The following LRRC7 variants were observed in gnomAD, a reference collection of about 807,000 sequenced individuals.
LRRC7 encodes the protein leucine-rich repeat-containing protein 7.
In LRRC7, 23 loss-of-function variants were observed where a neutral mutation model predicts 175.7. That is an observed-to-expected ratio of 0.13 (90% confidence interval 0.09 to 0.19). LRRC7 has a LOEUF of 0.19. Among genes scored for constraint, LRRC7 ranks in the 10% least tolerant of loss-of-function variants. The pLI is 1.00. For synonymous variants in LRRC7, 685 were observed against 680.9 expected, an observed-to-expected ratio of 1.01 and a Z score of -0.09; for missense variants, 1,354 against 1,904.7, an observed-to-expected ratio of 0.71 and a Z score of 5.38.
At chr1:69,793,428 G>T (rs1182490678) in intron 4 of LRRC7, among the ~76,000 whole-genome samples, 1 of 151,930 alleles carries the variant, frequency 6.6e-6, no homozygotes, top group African/African-American at 2.4e-5. Flanking sequence ...TAAGAAATTT[G>T]GTGCCTTTAG....
intron 7 of LRRC7, among the ~76,000 whole-genome samples, chr1:69,907,246 C>A (rs900374299): frequency 2.0e-4 from 30 of 152,150 alleles, no homozygotes; most frequent in South Asian, 2.1e-4. Context: ...ATCGAATACC[C>A]TTTATTTCCT....
At chr1:70,049,190 GC>G (rs1052498106) in intron 22 of LRRC7, among the ~76,000 whole-genome samples, 13 of 152,108 alleles carry the variant, frequency 8.5e-5, no homozygotes, top group Non-Finnish European at 1.6e-4. Flanking sequence ...GAAGAAATTG[GC>G]CTCACTATCT....
In LRRC7 at chr1:70,131,367, C is replaced by T. The variant is rs1666656010; in HGVS notation, c.*9480C>T. Among the ~76,000 whole-genome samples, 1 of 152,162 alleles carries T rather than the reference C, an allele frequency of 6.6e-6. No individual in the cohort carries two copies. The highest frequency in any genetic ancestry group is 1.5e-5 in the Non-Finnish European group (1 of 68,032). ...GGTTGGTAAGCTCCTAACCACAATC[C>T]CTTTATTACCTCATGGGACCTTAAT... On this transcript the variant is annotated 3_prime_UTR_variant, in exon 27 of 27. Coordinates refer to ENST00000651989, the MANE Select transcript of LRRC7 (RefSeq NM_001370785.2).
intron 1 of LRRC7, among the ~76,000 whole-genome samples, chr1:69,595,051 C>A (rs899350661): frequency 1.3e-5 from 2 of 151,168 alleles, no homozygotes; most frequent in East Asian, 3.9e-4. Context: ...CAGGCAACTT[C>A]TTTAAACATT....
At chr1:69,610,633 T>A (rs1648572483) in intron 1 of LRRC7, among the ~76,000 whole-genome samples, 1 of 152,044 alleles carries the variant, frequency 6.6e-6, no homozygotes, top group Non-Finnish European at 1.5e-5. Context: ...TTTTGTTGTA[T>A]TTTAATGTAA....
Position 70,140,212 on chromosome 1 carries a change from A to T in LRRC7, c.*18325A>T, listed in dbSNP as rs1031389727. On this transcript the variant is annotated 3_prime_UTR_variant, in exon 27 of 27. Coordinates refer to ENST00000651989, the MANE Select transcript of LRRC7 (RefSeq NM_001370785.2). ...GCATGGGCATGCCTTTCCAAAGGGT[A>T]TATTTGATCCTACAGTTAATTTTAA... 6.6e-6 allele frequency: 1 copy of T among 152,148 alleles called. No individual in the cohort carries two copies. Among genetic ancestry groups the T allele is most frequent in the African/African-American group, 2.4e-5 (1 of 41,450 alleles). The allele number at this position is 152,148 out of a possible 1,614,324, so 9.4% of individuals were successfully genotyped here. A position where few individuals can be genotyped will look rare whatever the true frequency, so the allele number is the denominator to read the frequency against.
At chr1:69,797,748 A>G (rs963681856) in intron 4 of LRRC7, among the ~76,000 whole-genome samples, 1 of 152,154 alleles carries the variant, frequency 6.6e-6, no homozygotes, top group African/African-American at 2.4e-5. Context: ...GCACTCTTTC[A>G]TAATTGCTAA....
intron 1 of LRRC7, among the ~76,000 whole-genome samples, chr1:69,592,059 TAAAGGC>T (rs1646657757): frequency 6.6e-6 from 1 of 152,078 alleles, no homozygotes; most frequent in African/African-American, 2.4e-5. Context: ...TACAGGAGAA[TAAAGGC>T]AATTACATTA....
intron 4 of LRRC7, among the ~76,000 whole-genome samples, chr1:69,814,293 T>G (rs1678322115): frequency 6.6e-6 from 1 of 152,160 alleles, no homozygotes; most frequent in African/African-American, 2.4e-5. Flanking sequence ...TGTGTGGTTC[T>G]TCATTTGAAA....
chr1:69,995,095 G>C (rs918149301), intron 11 of LRRC7, among the ~76,000 whole-genome samples: 2 of 152,116 alleles, frequency 1.3e-5, no homozygotes, highest in Non-Finnish European at 2.9e-5. Flanking sequence ...AGAAGCTAAG[G>C]AGAAAAGCAT....
chr1:69,939,106 C>A lies in LRRC7; in HGVS notation c.711+7536C>A, dbSNP rs570767789. 3.0e-3 allele frequency among the ~76,000 whole-genome samples: 440 copies of A among 146,170 alleles called. 1 individual carries two copies. The highest frequency in any genetic ancestry group is 0.011 in the African/African-American group (423 of 39,544). On this transcript the variant is annotated intron_variant, in intron 8 of 26. Coordinates refer to ENST00000651989, the MANE Select transcript of LRRC7 (RefSeq NM_001370785.2). ...ATCAAAAGAAACTTGAAAAATGAAA[C>A]TTATTTTTGAAGTTATTGGGAGTAT...
At chr1:70,014,438 G>A (rs758611570) in intron 13 of LRRC7, among the ~76,000 whole-genome samples, 1 of 151,940 alleles carries the variant, frequency 6.6e-6, no homozygotes, top group African/African-American at 2.4e-5. Flanking sequence ...ATAATACATA[G>A]AGGAGCTCAC....
chr1:69,805,939 A>G (rs1379090713), intron 4 of LRRC7, among the ~76,000 whole-genome samples: 3 of 151,894 alleles, frequency 2.0e-5, no homozygotes, highest in African/African-American at 7.2e-5. Flanking sequence ...TCTTTTACAT[A>G]AACTGATCAA....
chr1:69,953,200 G>T (rs547967365), intron 8 of LRRC7, among the ~76,000 whole-genome samples: 2 of 151,698 alleles, frequency 1.3e-5, no homozygotes, highest in Non-Finnish European at 1.5e-5. Context: ...GCTGTCCTTC[G>T]TATGTGCAGC....
intron 7 of LRRC7, among the ~76,000 whole-genome samples, chr1:69,924,828 A>T (rs1457313679): frequency 6.6e-6 from 1 of 152,202 alleles, no homozygotes; most frequent in African/African-American, 2.4e-5. Context: ...CAGAATTTCC[A>T]ACACTATGTT....
At position 70,124,191 on chromosome 1, in the gene LRRC7, A is replaced by G. The variant is rs1390961629; in HGVS notation, c.*2304A>G. On this transcript the variant is annotated 3_prime_UTR_variant, in exon 27 of 27. Transcript: ENST00000651989. ...TATGCCAAAGCACCTCACTGTCAAT[A>G]GTACTGCCATGTTGCATACTGAGAA... 1.3e-5 allele frequency among the ~76,000 whole-genome samples: 2 copies of G among 152,226 alleles called. No individual in the cohort carries two copies. Among genetic ancestry groups the G allele is most frequent in the African/African-American group, 4.8e-5 (2 of 41,460 alleles).
rs748721652 is a variant in LRRC7 at position 70,076,316 on chromosome 1, A to G, written c.4452+18A>G. ...CAGAGCAGGTGAGAAGTGTTTCTTT[A>G]TTACTGAAAAATCTTCAGGTAAGAA... On this transcript the variant is annotated intron_variant, in intron 24 of 26. Transcript: ENST00000651989. The G allele has an allele frequency of 6.2e-7, 1 of 1,609,560 alleles. No homozygotes were observed. The highest frequency in any genetic ancestry group is 1.1e-5 in the South Asian group (1 of 90,914).
At chr1:69,860,231 A>G (rs1476774566) in intron 7 of LRRC7, among the ~76,000 whole-genome samples, 1 of 151,680 alleles carries the variant, frequency 6.6e-6, no homozygotes, top group Non-Finnish European at 1.5e-5. Flanking sequence ...TTTTTTTTCC[A>G]TGTTGCTTGG....
intron 7 of LRRC7, among the ~76,000 whole-genome samples, chr1:69,888,580 C>T (rs1040228110): frequency 9.9e-5 from 15 of 152,116 alleles, no homozygotes; most frequent in Admixed American, 9.2e-4. Context: ...CCGTCTTCTG[C>T]GTCGCTCACG....
Sources: allele counts gnomAD v4.1 joint callset (sites outside exome capture counted in the v4.1 genomes callset), GRCh38; gene constraint gnomAD v4.1.1; transcripts MANE v1.5; gene names NCBI Gene and HGNC (gene_info 2026-07-23, HGNC 2026-07-21).